The following TMED3 variants were observed in gnomAD, a reference collection of about 807,000 sequenced individuals.
TMED3 encodes the protein transmembrane emp24 domain-containing protein 3.
In TMED3, 9 loss-of-function variants were observed where a neutral mutation model predicts 15.0. The ratio of observed to expected loss-of-function variants is 0.60; its 90% confidence interval spans 0.36 to 1.04. The LOEUF (loss-of-function observed/expected upper bound fraction) is 1.04. TMED3 is among the 50% of genes least tolerant of loss of function. TMED3 has a pLI of 0.01. For synonymous variants in TMED3, 117 were observed against 121.4 expected (o/e 0.96, Z 0.24); for missense variants, 267 against 278.9 (o/e 0.96, Z 0.30).
At chr15:79,399,629 G>A (rs1296852769) in intron 2 of TMED3, among the ~76,000 whole-genome samples, 3 of 152,164 alleles carry the variant, frequency 2.0e-5, no homozygotes, top group Non-Finnish European at 2.9e-5. Flanking sequence ...GGCCTGTAAT[G>A]AAAGGTTTTA....
intron 2 of TMED3, among the ~76,000 whole-genome samples, chr15:79,353,263 TATATATAATATATATAATATATATTATA>T (rs1567030539): frequency 6.0e-4 from 34 of 56,578 alleles, no homozygotes; most frequent in African/African-American, 8.5e-4. Context: ...TAATATATAT[TATATATAATATATATAATATATATTATA>T]TGTATATTAT....
At chr15:79,320,860 G>A (rs913086009) in intron 2 of TMED3, among the ~76,000 whole-genome samples, 3 of 152,178 alleles carry the variant, frequency 2.0e-5, no homozygotes, top group Admixed American at 1.3e-4. Flanking sequence ...GCCTGATGTC[G>A]AGGTGGTGGC....
At chr15:79,358,473 A>C (rs990540135) in intron 2 of TMED3, among the ~76,000 whole-genome samples, 13 of 152,228 alleles carry the variant, frequency 8.5e-5, no homozygotes, top group African/African-American at 3.1e-4. Flanking sequence ...TAGACTGAGC[A>C]GGTTGAGAGT....
intron 2 of TMED3, among the ~76,000 whole-genome samples, chr15:79,336,455 C>G (rs558552781): frequency 5.3e-4 from 80 of 152,182 alleles, no homozygotes; most frequent in African/African-American, 1.8e-3. Context: ...GTCAGCAGTT[C>G]GAGACCAGCC....
chr15:79,386,704 A>ATTTTT (rs35828266), intron 2 of TMED3, among the ~76,000 whole-genome samples: 25 of 125,156 alleles, frequency 2.0e-4, no homozygotes, highest in South Asian at 2.8e-4. Context: ...ATGCCTGGCT[A>ATTTTT]TTTTTTTTTT....
At chr15:79,376,125 T>G (rs1411625248) in intron 2 of TMED3, among the ~76,000 whole-genome samples, 1 of 78,532 alleles carries the variant, frequency 1.3e-5, no homozygotes, top group African/African-American at 4.4e-5. Flanking sequence ...TTTTTTTTTT[T>G]TTGAGACGAA....
chr15:79,385,155 CT>C lies in TMED3; in HGVS notation c.418-26243del, dbSNP rs1893608053. Among the ~76,000 whole-genome samples, 4 of 152,266 alleles carry C rather than the reference CT, an allele frequency of 2.6e-5. No individual in the cohort carries two copies. In the South Asian group the frequency reaches 8.3e-4, roughly 32 times the overall value. On this transcript the variant is annotated intron_variant, in intron 2 of 2. Transcript: ENST00000424155. ...TGCAACCTGTGGATCAAGAGATGCC[CT>C]TGTGAGCCCACACCACCAGGCCCTG...
At chr15:79,315,494 C>G (rs937077728) in intron 2 of TMED3, among the ~76,000 whole-genome samples, 2 of 152,144 alleles carry the variant, frequency 1.3e-5, no homozygotes, top group Admixed American at 6.5e-5. Flanking sequence ...TTGAGACAGC[C>G]TCTATTGGGA....
chr15:79,372,727 G>A lies in TMED3; in HGVS notation c.418-38673G>A, dbSNP rs1037331859. On this transcript the variant is annotated intron_variant, in intron 2 of 2. Transcript: ENST00000424155. Reference sequence around the variant, plus strand: ...TCCTCCCATGACACATGGGGATTATGGGAGCTACAATTCCTGATGGGATTT... The same window carrying A: ...TCCTCCCATGACACATGGGGATTATAGGAGCTACAATTCCTGATGGGATTT... Among the ~76,000 whole-genome samples, 3 of 152,282 alleles carry A rather than the reference G, an allele frequency of 2.0e-5. No individual in the cohort carries two copies. In the East Asian group the frequency reaches 5.8e-4, roughly 29 times the overall value.
intron 2 of TMED3, among the ~76,000 whole-genome samples, chr15:79,356,013 A>G (rs1475018200): frequency 6.6e-6 from 1 of 152,216 alleles, no homozygotes; most frequent in Non-Finnish European, 1.5e-5. Flanking sequence ...GCAACATAAC[A>G]GTCTTCTGGT....
At chr15:79,396,180 A>T (rs1893761469) in intron 2 of TMED3, among the ~76,000 whole-genome samples, 1 of 151,908 alleles carries the variant, frequency 6.6e-6, no homozygotes, top group Admixed American at 6.6e-5. Context: ...CATCAGTTCT[A>T]CTCTTTAACT....
chr15:79,398,958 C>T (rs900614342), intron 2 of TMED3, among the ~76,000 whole-genome samples: 3 of 152,094 alleles, frequency 2.0e-5, no homozygotes, highest in African/African-American at 7.2e-5. Context: ...TTGCCCAGGC[C>T]GGAGTGCAGT....
chr15:79,411,517 G>A (rs564700372), exon 3 of TMED3: 11 of 701,670 alleles, frequency 1.6e-5, no homozygotes, highest in South Asian at 3.0e-5. Context: ...GATTTTCAGC[G>A]GGGAGGCACT....
chr15:79,395,162 G>A (rs1472716154), intron 2 of TMED3, among the ~76,000 whole-genome samples: 1 of 152,014 alleles, frequency 6.6e-6, no homozygotes, highest in Non-Finnish European at 1.5e-5. Flanking sequence ...AACTGTAGAT[G>A]ATGTCCCTGG....
At position 79,378,897 on chromosome 15, in the gene TMED3, T is replaced by C. The variant is rs570870954; in HGVS notation, c.418-32503T>C. 3.3e-5 allele frequency among the ~76,000 whole-genome samples: 5 copies of C among 152,350 alleles called. No homozygotes were observed. The East Asian group carries it at 9.6e-4, about 29-fold the overall frequency. ...GGAGGTGGGAATAGAAATTATGTTT[T>C]AGAATTGTGACTCAATTCTTGGAAT... On this transcript the variant is annotated intron_variant, in intron 2 of 2. Transcript: ENST00000424155.
chr15:79,322,618 A>G lies in TMED3; in HGVS notation c.*404A>G, dbSNP rs112375220. On this transcript the variant is annotated 3_prime_UTR_variant, in exon 3 of 3. Coordinates refer to ENST00000299705, the MANE Select transcript of TMED3 (RefSeq NM_007364.4). Reference sequence around the variant, plus strand: ...TTGGGTGTCCTATCCCATATGGAGAAGAAAGGGGCTCTAAGTTCTGGCTCT... The same window carrying G: ...TTGGGTGTCCTATCCCATATGGAGAGGAAAGGGGCTCTAAGTTCTGGCTCT... 6.0e-4 allele frequency: 598 copies of G among 997,896 alleles called. 4 individuals are homozygous for G. In the African/African-American group the frequency reaches 8.9e-3, roughly 15 times the overall value. 61.8% of individuals were successfully genotyped at this position (997,896 alleles called of 1,614,324 possible).
intron 2 of TMED3, among the ~76,000 whole-genome samples, chr15:79,335,158 G>A (rs12915666): frequency 0.25 from 38,379 of 151,982 alleles, 5,143 homozygotes; most frequent in East Asian, 0.5. Flanking sequence ...TTTCAAAGAC[G>A]TAAAAAAAGA....
At chr15:79,407,953 G>A (rs562702182) in intron 2 of TMED3, among the ~76,000 whole-genome samples, 75 of 152,308 alleles carry the variant, frequency 4.9e-4, no homozygotes, top group Admixed American at 9.8e-4. Flanking sequence ...TTGCAGCGCA[G>A]CCATTTACTA....
intron 2 of TMED3, among the ~76,000 whole-genome samples, chr15:79,345,473 A>G (rs1319115242): frequency 6.6e-6 from 1 of 152,170 alleles, no homozygotes; most frequent in African/African-American, 2.4e-5. Flanking sequence ...TGCAAATGAC[A>G]TGATCTTGTT....
Sources: allele counts gnomAD v4.1 joint callset (sites outside exome capture counted in the v4.1 genomes callset), GRCh38; gene constraint gnomAD v4.1.1; transcripts MANE v1.5; gene names NCBI Gene and HGNC (gene_info 2026-07-23, HGNC 2026-07-21).